ADARB2: variants seen among roughly 807,000 people sequenced by gnomAD.
ADARB2 encodes adenosine deaminase RNA specific B2 (inactive).
ADARB2 carries 25 observed loss-of-function variants against 62.2 expected under a neutral mutation model. The observed-to-expected ratio is 0.40, with a 90% CI of 0.29 to 0.56. The LOEUF (loss-of-function observed/expected upper bound fraction) is 0.56, where lower values mean the gene tolerates loss of function less well. Ranked by LOEUF, ADARB2 falls within the 20% of genes least tolerant of loss-of-function variation. ADARB2 has a pLI of 0.43. For missense variants in ADARB2, 1,071 were observed against 1,077.4 expected, an observed-to-expected ratio of 0.99 and a Z score of 0.08; for synonymous variants, 572 against 500.8, an observed-to-expected ratio of 1.14 and a Z score of -1.90.
chr10:1,672,185 C>A (rs4345891), intron 1 of ADARB2, among the ~76,000 whole-genome samples: 33,063 of 151,784 alleles, frequency 0.22, 3,895 homozygotes, highest in Middle Eastern at 0.32. Flanking sequence ...GTTTTCCTCT[C>A]TCTCTGTCTC....
chr10:1,280,642 C>T (rs1415262331), intron 3 of ADARB2, among the ~76,000 whole-genome samples: 1 of 151,024 alleles, frequency 6.6e-6, no homozygotes, highest in African/African-American at 2.4e-5. Flanking sequence ...CCGTGAAATT[C>T]CTGAGTGATG....
chr10:1,641,961 C>T (rs557468355), intron 1 of ADARB2, among the ~76,000 whole-genome samples: 2 of 151,972 alleles, frequency 1.3e-5, no homozygotes, highest in Admixed American at 6.6e-5. Context: ...TGAAGTGAGC[C>T]GAGATGGTGC....
intron 8 of ADARB2, among the ~76,000 whole-genome samples, chr10:1,192,388 G>A (rs1453335602): frequency 3.9e-5 from 6 of 152,116 alleles, no homozygotes; most frequent in Admixed American, 2.0e-4. Context: ...TCTCTCTCAC[G>A]CACACCCACA....
At chr10:1,271,669 C>A (rs1831264748) in intron 3 of ADARB2, among the ~76,000 whole-genome samples, 1 of 152,188 alleles carries the variant, frequency 6.6e-6, no homozygotes, top group Admixed American at 6.5e-5. Flanking sequence ...TACACGTGTG[C>A]CCCTGCACAC....
chr10:1,441,442 A>G (rs1830905913), intron 1 of ADARB2, among the ~76,000 whole-genome samples: 1 of 152,252 alleles, frequency 6.6e-6, no homozygotes, highest in African/African-American at 2.4e-5. Flanking sequence ...GATTTGATGC[A>G]GAAAACCCAT....
chr10:1,349,856 C>T (rs942545801), intron 3 of ADARB2, among the ~76,000 whole-genome samples: 4 of 152,122 alleles, frequency 2.6e-5, no homozygotes, highest in Non-Finnish European at 5.9e-5. Context: ...GGGAAGCCTG[C>T]CTTGGTCATT....
In ADARB2 at chr10:1,532,191, GTTTTCC is replaced by G. The variant is rs548655022; in HGVS notation, c.101-153037_101-153032del. Among the ~76,000 whole-genome samples, 21 of 152,042 alleles carry G rather than the reference GTTTTCC, an allele frequency of 1.4e-4. 1 individual carries two copies. The South Asian group carries it at 4.2e-3, about 30-fold the overall frequency. ...GGTTCTGTGATGCTTTCTGGATGGC[GTTTTCC>G]TGTATCAGCCCGCACCATTCCCTGA... On this transcript the variant is annotated intron_variant, in intron 1 of 9. Transcript: ENST00000381312.
At chr10:1,434,321 G>A (rs1380701139) in intron 1 of ADARB2, among the ~76,000 whole-genome samples, 1 of 152,182 alleles carries the variant, frequency 6.6e-6, no homozygotes, top group East Asian at 1.9e-4. Flanking sequence ...TTTAAATGGA[G>A]GTGTCTGGCC....
chr10:1,410,882 C>T (rs1375439023), intron 1 of ADARB2, among the ~76,000 whole-genome samples: 2 of 152,196 alleles, frequency 1.3e-5, no homozygotes, highest in African/African-American at 2.4e-5. Context: ...GTTTCAGCTG[C>T]CCGGATGGAG....
intron 1 of ADARB2, among the ~76,000 whole-genome samples, chr10:1,703,409 C>T (rs1834848796): frequency 6.6e-6 from 1 of 151,970 alleles, no homozygotes; most frequent in Non-Finnish European, 1.5e-5. Flanking sequence ...AGCCTGGATG[C>T]TGGTGAGCAG....
intron 3 of ADARB2, among the ~76,000 whole-genome samples, chr10:1,358,460 C>T (rs1832217591): frequency 6.6e-6 from 1 of 152,172 alleles, no homozygotes; most frequent in East Asian, 1.9e-4. Flanking sequence ...TACCTGCATT[C>T]CCAGACCCAA....
intron 1 of ADARB2, among the ~76,000 whole-genome samples, chr10:1,627,722 T>C (rs562230240): frequency 6.6e-6 from 1 of 152,360 alleles, no homozygotes; most frequent in African/African-American, 2.4e-5. Context: ...CTTTTCTCTC[T>C]CTACAGCAGC....
At chr10:1,273,037 T>C (rs964387569) in intron 3 of ADARB2, among the ~76,000 whole-genome samples, 3 of 152,204 alleles carry the variant, frequency 2.0e-5, no homozygotes, top group Non-Finnish European at 4.4e-5. Flanking sequence ...TCTGTGTCTG[T>C]GTCTGCTCTT....
At chr10:1,570,888 A>T (rs1056651655) in intron 1 of ADARB2, among the ~76,000 whole-genome samples, 3 of 152,058 alleles carry the variant, frequency 2.0e-5, no homozygotes, top group Non-Finnish European at 4.4e-5. Flanking sequence ...GGAGGACTTG[A>T]GTGACAGGTG....
chr10:1,327,056 T>G (rs1336485987), intron 3 of ADARB2, among the ~76,000 whole-genome samples: 36 of 43,140 alleles, frequency 8.3e-4, no homozygotes, highest in East Asian at 1.6e-3. Flanking sequence ...GCCTCCCCAC[T>G]GCCCAGCGCC....
intron 3 of ADARB2, among the ~76,000 whole-genome samples, chr10:1,328,802 G>A (rs2131832677): frequency 6.6e-6 from 1 of 152,026 alleles, no homozygotes; most frequent in Middle Eastern, 3.4e-3. Flanking sequence ...GACCAGGCTG[G>A]GCAACATAGT....
intron 1 of ADARB2, among the ~76,000 whole-genome samples, chr10:1,631,121 G>C (rs773171202): frequency 6.6e-5 from 10 of 152,186 alleles, no homozygotes; most frequent in Non-Finnish European, 1.5e-4. Flanking sequence ...TGAGTTCCTA[G>C]CTTCCCTGGA....
At chr10:1,582,528 A>G (rs1448914748) in intron 1 of ADARB2, among the ~76,000 whole-genome samples, 1 of 152,120 alleles carries the variant, frequency 6.6e-6, no homozygotes, top group Admixed American at 6.5e-5. Context: ...TTCCACCTTT[A>G]CTGGAGATGA....
chr10:1,546,335 C>T (rs10794755), intron 1 of ADARB2, among the ~76,000 whole-genome samples: 47,837 of 152,122 alleles, frequency 0.31, 8,615 homozygotes, highest in East Asian at 0.74. Flanking sequence ...CCTGGTGTTT[C>T]GGCAACAGGT....
Sources: allele counts gnomAD v4.1 joint callset (sites outside exome capture counted in the v4.1 genomes callset), GRCh38; gene constraint gnomAD v4.1.1; transcripts MANE v1.5; gene names NCBI Gene and HGNC (gene_info 2026-07-23, HGNC 2026-07-21).